Variants in USP37 observed in about 807,000 individuals in gnomAD.
USP37 encodes ubiquitin carboxyl-terminal hydrolase 37.
USP37 carries 27 observed loss-of-function variants against 124.0 expected under a neutral mutation model. That is an observed-to-expected ratio of 0.22 (90% CI 0.16 to 0.30). The LOEUF (loss-of-function observed/expected upper bound fraction) is 0.30, where lower values mean the gene tolerates loss of function less well. USP37 is among the 10% of genes least tolerant of loss of function. USP37 has a pLI of 1.00. For synonymous variants in USP37, 365 were observed against 388.0 expected, an observed-to-expected ratio of 0.94 and a Z score of 0.70; for missense variants, 889 against 1,140.4, an observed-to-expected ratio of 0.78 and a Z score of 3.17.
At chr2:218,538,000 A>G (rs1691753324) in intron 8 of USP37, among the ~76,000 whole-genome samples, 1 of 152,234 alleles carries the variant, frequency 6.6e-6, no homozygotes, top group South Asian at 2.1e-4. Flanking sequence ...TAAGACCAGG[A>G]GAGTACAACA....
intron 8 of USP37, among the ~76,000 whole-genome samples, chr2:218,537,835 G>C (rs1411753142): frequency 6.6e-6 from 1 of 152,138 alleles, no homozygotes; most frequent in Non-Finnish European, 1.5e-5. Context: ...GCTGTCTGCA[G>C]CCAAAAATTA....
intron 8 of USP37, among the ~76,000 whole-genome samples, chr2:218,539,404 C>T (rs541368075): frequency 9.9e-4 from 150 of 152,222 alleles, no homozygotes; most frequent in African/African-American, 3.5e-3. Flanking sequence ...CATAGATCTT[C>T]GCAACCACAG....
At chr2:218,463,951 G>A (rs931035984) in intron 21 of USP37, among the ~76,000 whole-genome samples, 13 of 150,436 alleles carry the variant, frequency 8.6e-5, no homozygotes, top group African/African-American at 3.2e-4. Flanking sequence ...TACCTCCCAG[G>A]TTCAAGCGAT....
At chr2:218,567,420 G>A (rs1693679355) in intron 1 of USP37, among the ~76,000 whole-genome samples, 1 of 152,026 alleles carries the variant, frequency 6.6e-6, no homozygotes, top group Non-Finnish European at 1.5e-5. Context: ...CTATCAATAT[G>A]GCAGATGACA....
intron 8 of USP37, among the ~76,000 whole-genome samples, chr2:218,545,762 A>G (rs1281899968): frequency 3.3e-5 from 5 of 152,324 alleles, no homozygotes; most frequent in Middle Eastern, 3.4e-3. Context: ...CCTTTTGTTC[A>G]ACCCAGAAAA....
At chr2:218,465,907 A>T in intron 21 of USP37, 103 bp downstream of exon 21, 7 of 1,388,894 alleles carry the variant, frequency 5.0e-6, no homozygotes, top group Non-Finnish European at 6.8e-6. Flanking sequence ...AATCATCTGG[A>T]ACAATGTCTG....
chr2:218,476,994 GAA>G lies in USP37; in HGVS notation c.1902-15_1902-14del, dbSNP rs749854807. Reference sequence around the variant, plus strand: ...GAAGGTGAATTTCCTGTAATTTAAGGAAAAAAAAAAAAGCCTGATAAACATTT... The same window carrying G: ...GAAGGTGAATTTCCTGTAATTTAAGGAAAAAAAAAAGCCTGATAAACATTT... On this transcript the variant is annotated splice_polypyrimidine_tract_variant and intron_variant, in intron 18 of 25. Transcript: ENST00000258399. The G allele has an allele frequency of 6.5e-4, 730 of 1,126,324 alleles. No homozygotes were observed. Among genetic ancestry groups the G allele is most frequent in the South Asian group, 2.5e-3 (130 of 51,904 alleles). The allele number at this position is 1,126,324 out of a possible 1,614,324, so 69.8% of individuals were successfully genotyped here. A position where few individuals can be genotyped will look rare whatever the true frequency, so the allele number is the denominator to read the frequency against.
chr2:218,565,351 C>A (rs1693536158), intron 1 of USP37, among the ~76,000 whole-genome samples: 1 of 152,200 alleles, frequency 6.6e-6, no homozygotes, highest in African/African-American at 2.4e-5. Context: ...AACCACTACT[C>A]TGATTTTTGA....
At chr2:218,544,426 T>TAGAGAGAGAG (rs1434695494) in intron 8 of USP37, among the ~76,000 whole-genome samples, 106 of 47,696 alleles carry the variant, frequency 2.2e-3, no homozygotes, top group East Asian at 0.014. Context: ...TATATATATA[T>TAGAGAGAGAG]ATATAGAGAG....
intron 9 of USP37, among the ~76,000 whole-genome samples, chr2:218,534,143 T>C (rs1691489972): frequency 6.6e-6 from 1 of 152,212 alleles, no homozygotes; most frequent in Admixed American, 6.5e-5. Context: ...GGATTTCTAA[T>C]ACTTTAAAAT....
rs1323512515 is a variant in USP37, at chr2:218,451,251, A to G, written c.*3679T>C. 6.6e-6 allele frequency: 1 copy of G among 152,162 alleles called. No homozygotes were observed. The highest frequency in any genetic ancestry group is 2.4e-5 in the African/African-American group (1 of 41,444). 9.4% of individuals were successfully genotyped at this position (152,162 alleles called of 1,614,324 possible). A position where few individuals can be genotyped will look rare whatever the true frequency, so the allele number is the denominator to read the frequency against. On this transcript the variant is annotated 3_prime_UTR_variant, in exon 26 of 26. Transcript: ENST00000258399. Reference sequence around the variant, plus strand: ...AGACATCCATCCATTTTATTGGAACACTTTTATGTGACTTGAATCTGGTGT... The same window carrying G: ...AGACATCCATCCATTTTATTGGAACGCTTTTATGTGACTTGAATCTGGTGT...
At chr2:218,534,211 G>A (rs1054691378) in intron 9 of USP37, among the ~76,000 whole-genome samples, 12 of 152,174 alleles carry the variant, frequency 7.9e-5, no homozygotes, top group Non-Finnish European at 1.2e-4. Flanking sequence ...AGATTAGGCC[G>A]GGCATGGTGG....
At chr2:218,482,959 A>G (rs976279490) in intron 16 of USP37, among the ~76,000 whole-genome samples, 1 of 152,180 alleles carries the variant, frequency 6.6e-6, no homozygotes, top group African/African-American at 2.4e-5. Flanking sequence ...TGAATTTCAA[A>G]CATCTTATGG....
chr2:218,479,596 G>C (rs1403066979), intron 18 of USP37, 54 bp downstream of exon 18: 4 of 1,477,330 alleles, frequency 2.7e-6, no homozygotes, highest in East Asian at 2.3e-5. Flanking sequence ...TTGGAGATTA[G>C]GGTAAGCCAA....
In USP37 at chr2:218,454,726, T is replaced by C. The variant is rs1689599387; in HGVS notation, c.*204A>G. ...CACTCATAGGAGAAAAAGAGGATAATCAGCTACGGATGTGAGACCAAAGTT... is the reference window on the plus strand; with the variant it reads ...CACTCATAGGAGAAAAAGAGGATAACCAGCTACGGATGTGAGACCAAAGTT... On this transcript the variant is annotated 3_prime_UTR_variant, in exon 26 of 26. Transcript: ENST00000258399. 1 of 993,482 alleles carries C rather than the reference T, an allele frequency of 1.0e-6. No individual in the cohort carries two copies. Among genetic ancestry groups the C allele is most frequent in the African/African-American group, 1.6e-5 (1 of 61,022 alleles). The allele number at this position is 993,482 out of a possible 1,614,324, so 61.5% of individuals were successfully genotyped here.
chr2:218,541,302 A>G (rs1379126384), intron 8 of USP37, among the ~76,000 whole-genome samples: 1 of 152,130 alleles, frequency 6.6e-6, no homozygotes, highest in Non-Finnish European at 1.5e-5. Flanking sequence ...GATTCATAGG[A>G]AAGAAAAGGA....
chr2:218,495,773 T>C lies in USP37; in HGVS notation c.1459A>G (p.Ile487Val). ...TNLEFEVQHS[I>V]ICKACGEIIP... The stretch of plus-strand genomic sequence containing the variant: ...GACACTACTTACGCTTTACAAATGA[T>C]GGAGTGCTGAACCTCAAACTCCAAA... The change falls in exon 14 of 26, where the codon ATC becomes GTC. Residue 487 changes from isoleucine (I) to valine (V), a missense_variant. Physicochemically the swap from Ile to Val is conservative, Grantham distance 29. Transcript: ENST00000258399. 1 of 1,610,124 alleles carries C rather than the reference T, an allele frequency of 6.2e-7. No individual in the cohort carries two copies. Among genetic ancestry groups the C allele is most frequent in the Non-Finnish European group, 8.5e-7 (1 of 1,179,200 alleles).
At chr2:218,461,024 C>T (rs1689991243) in intron 22 of USP37, among the ~76,000 whole-genome samples, 1 of 152,074 alleles carries the variant, frequency 6.6e-6, no homozygotes, top group South Asian at 2.1e-4. Flanking sequence ...TTAAATTTCA[C>T]GTAAGATATA....
chr2:218,540,892 T>A (rs1337266922), intron 8 of USP37, among the ~76,000 whole-genome samples: 1 of 152,094 alleles, frequency 6.6e-6, no homozygotes, highest in Non-Finnish European at 1.5e-5. Flanking sequence ...CTTTGCAGAA[T>A]AGGAGGTACA....
Sources: allele counts gnomAD v4.1 joint callset (sites outside exome capture counted in the v4.1 genomes callset), GRCh38; gene constraint gnomAD v4.1.1; transcripts MANE v1.5; gene names NCBI Gene and HGNC (gene_info 2026-07-23, HGNC 2026-07-21).